Variants in SLC1A1 observed in about 807,000 individuals in gnomAD.
The protein encoded by SLC1A1 is excitatory amino acid transporter 3.
In SLC1A1, 43 loss-of-function variants were observed where a neutral mutation model predicts 53.3. The observed-to-expected ratio is 0.81, with a 90% CI of 0.63 to 1.04. The LOEUF (loss-of-function observed/expected upper bound fraction) is 1.04, where lower values mean the gene tolerates loss of function less well. Among genes scored for constraint, SLC1A1 ranks in the 50% least tolerant of loss-of-function variants. SLC1A1 has a pLI of 0.00. For synonymous variants in SLC1A1, 307 were observed against 243.2 expected (o/e 1.26, Z -2.44); for missense variants, 748 against 664.9 (o/e 1.12, Z -1.37).
chr9:4,501,094 TA>T (rs1322921262), intron 1 of SLC1A1, among the ~76,000 whole-genome samples: 2 of 152,162 alleles, frequency 1.3e-5, no homozygotes, highest in East Asian at 1.9e-4. Context: ...TCAGAGTCCC[TA>T]ACCGTGTCCA....
intron 1 of SLC1A1, among the ~76,000 whole-genome samples, chr9:4,537,965 A>C (rs1816740761): frequency 6.6e-6 from 1 of 152,222 alleles, no homozygotes; most frequent in Middle Eastern, 3.2e-3. Context: ...ATATATAGCC[A>C]TTAAAAATTA....
chr9:4,550,629 G>A (rs1242725900), intron 2 of SLC1A1, among the ~76,000 whole-genome samples: 2 of 152,134 alleles, frequency 1.3e-5, no homozygotes, highest in African/African-American at 2.4e-5. Context: ...GGCCTCAAGT[G>A]AGCCTCCCAC....
chr9:4,554,261 G>C (rs1443478568), intron 2 of SLC1A1: 1 of 152,332 alleles, frequency 6.6e-6, no homozygotes, highest in South Asian at 2.1e-4. Context: ...AGGGCAGTCA[G>C]CCATACTTAA....
At chr9:4,506,036 G>A (rs1451087241) in intron 1 of SLC1A1, among the ~76,000 whole-genome samples, 8 of 152,186 alleles carry the variant, frequency 5.3e-5, no homozygotes, top group African/African-American at 1.9e-4. Context: ...ATGTTGGCCA[G>A]GCTGGTCTTG....
chr9:4,530,676 G>C (rs1366909301), intron 1 of SLC1A1, among the ~76,000 whole-genome samples: 1 of 152,188 alleles, frequency 6.6e-6, no homozygotes, highest in Non-Finnish European at 1.5e-5. Context: ...TGATGGTGGA[G>C]TCACCCATGA....
At chr9:4,545,611 A>T (rs1297745524) in intron 2 of SLC1A1, among the ~76,000 whole-genome samples, 1 of 152,182 alleles carries the variant, frequency 6.6e-6, no homozygotes, top group African/African-American at 2.4e-5. Context: ...AGAACTTGCT[A>T]TGTGTCTGCC....
chr9:4,516,681 A>G (rs957930169), intron 1 of SLC1A1, among the ~76,000 whole-genome samples: 11 of 152,158 alleles, frequency 7.2e-5, no homozygotes, highest in East Asian at 3.8e-4. Context: ...CTTTTCTCCA[A>G]TCTAGGCTGG....
intron 6 of SLC1A1, among the ~76,000 whole-genome samples, chr9:4,569,751 C>A (rs12005132): frequency 6.6e-6 from 1 of 152,262 alleles, no homozygotes; most frequent in South Asian, 2.1e-4. Context: ...CAGCTTACTT[C>A]CAGTGGGCAC....
intron 1 of SLC1A1, among the ~76,000 whole-genome samples, chr9:4,510,746 C>T (rs1217099031): frequency 1.3e-5 from 2 of 152,192 alleles, no homozygotes; most frequent in Non-Finnish European, 2.9e-5. Context: ...TGGCCTTAGC[C>T]TTAGGCTAAC....
chr9:4,558,655 A>G (rs1039056330), intron 2 of SLC1A1, among the ~76,000 whole-genome samples: 3 of 152,238 alleles, frequency 2.0e-5, no homozygotes, highest in African/African-American at 7.2e-5. Context: ...ATTAAGACAT[A>G]TTAACATATG....
chr9:4,563,611 C>G (rs771589862), intron 3 of SLC1A1, among the ~76,000 whole-genome samples: 1 of 152,156 alleles, frequency 6.6e-6, no homozygotes, highest in Non-Finnish European at 1.5e-5. Flanking sequence ...TTCTTCTTCA[C>G]TTCCCTCCAG....
chr9:4,545,416 GA>G (rs377418931), intron 2 of SLC1A1, among the ~76,000 whole-genome samples: 1 of 151,738 alleles, frequency 6.6e-6, no homozygotes, highest in Non-Finnish European at 1.5e-5. Flanking sequence ...TGGGGCATGG[GA>G]AAAAAAAGCA....
Position 4,556,683 on chromosome 9 carries a change from C to T in SLC1A1, c.233-4766C>T, listed in dbSNP as rs1426793426. 6.6e-6 allele frequency among the ~76,000 whole-genome samples: 1 copy of T among 152,204 alleles called. No individual in the cohort carries two copies. The highest frequency in any genetic ancestry group is 2.4e-5 in the African/African-American group (1 of 41,450). On this transcript the variant is annotated intron_variant, in intron 2 of 11. Coordinates refer to ENST00000262352, the MANE Select transcript of SLC1A1 (RefSeq NM_004170.6). The surrounding 1 kb of genome is among the most constrained non-coding windows in gnomAD (Gnocchi z 4.1). ...GTTAAGAGTCTAATGCCTGGATTCTCATTCTCACAGTCAACATTCATTGCG... is the reference window on the plus strand; with the variant it reads ...GTTAAGAGTCTAATGCCTGGATTCTTATTCTCACAGTCAACATTCATTGCG...
At chr9:4,566,131 C>T (rs371190495) in intron 5 of SLC1A1, 42 bp downstream of exon 5, 113 of 1,533,164 alleles carry the variant, frequency 7.4e-5, no homozygotes, top group Non-Finnish European at 1.0e-4. Flanking sequence ...TACCCTCTTC[C>T]CATTATCAAT....
At chr9:4,562,775 C>T (rs186334829) in intron 3 of SLC1A1, among the ~76,000 whole-genome samples, 1 of 152,032 alleles carries the variant, frequency 6.6e-6, no homozygotes, top group African/African-American at 2.4e-5. Flanking sequence ...CATAGTATTC[C>T]ATGGTGTATA....
At chr9:4,494,546 C>T (rs962950131) in intron 1 of SLC1A1, among the ~76,000 whole-genome samples, 6 of 151,760 alleles carry the variant, frequency 4.0e-5, no homozygotes, top group African/African-American at 1.5e-4. Flanking sequence ...AATAACTGTC[C>T]CTGTAGTATT....
At chr9:4,515,937 C>A (rs897550659) in intron 1 of SLC1A1, among the ~76,000 whole-genome samples, 1 of 152,166 alleles carries the variant, frequency 6.6e-6, no homozygotes, top group Non-Finnish European at 1.5e-5. Flanking sequence ...TAGCTATGTT[C>A]CCTGGAGTAA....
intron 1 of SLC1A1, among the ~76,000 whole-genome samples, chr9:4,514,575 G>A (rs772557921): frequency 6.6e-6 from 1 of 152,078 alleles, no homozygotes; most frequent in Non-Finnish European, 1.5e-5. Flanking sequence ...AAATGAGAGA[G>A]CAGAGGGAGC....
At chr9:4,493,887 G>C (rs77479186) in intron 1 of SLC1A1, among the ~76,000 whole-genome samples, 2,379 of 152,284 alleles carry the variant, frequency 0.016, 61 homozygotes, top group African/African-American at 0.054. Context: ...CAGCACATGA[G>C]GGGAAATGTA....
Sources: gnomAD v4.1 joint callset for allele counts (sites outside exome capture counted in the v4.1 genomes callset) on GRCh38, gnomAD v4.1.1 for gene constraint, Gnocchi (gnomAD v3.1) non-coding constraint, MANE v1.5 for transcripts, NCBI Gene and HGNC (gene_info 2026-07-23, HGNC 2026-07-21) for gene names.